The following RAB31 variants were observed in gnomAD, a reference collection of about 807,000 sequenced individuals.
RAB31 encodes ras-related protein Rab-31.
In RAB31, 21 loss-of-function variants were observed where a neutral mutation model predicts 25.6. That is an observed-to-expected ratio of 0.82 (90% confidence interval 0.58 to 1.18). The LOEUF (loss-of-function observed/expected upper bound fraction) is 1.18. Ranked by LOEUF, RAB31 falls within the 50% of genes most tolerant of loss-of-function variation. The pLI, the probability that RAB31 is intolerant of heterozygous loss-of-function variation, is 0.00. For synonymous variants in RAB31, 87 were observed against 84.0 expected, an observed-to-expected ratio of 1.04 and a Z score of -0.20; for missense variants, 196 against 250.1, an observed-to-expected ratio of 0.78 and a Z score of 1.46.
intron 5 of RAB31, among the ~76,000 whole-genome samples, chr18:9,822,298 A>G (rs2068628074): frequency 6.6e-6 from 1 of 152,206 alleles, no homozygotes; most frequent in African/African-American, 2.4e-5. Flanking sequence ...CTTATATAAA[A>G]TTAGTCTAAA....
chr18:9,815,087 C>A, intron 4 of RAB31, 29 bp from the exon 5 acceptor site: 1 of 1,435,246 alleles, frequency 7.0e-7, no homozygotes, highest in South Asian at 1.2e-5. Flanking sequence ...AGGGGTCTTT[C>A]TAATGATTTG....
At chr18:9,772,001 C>T (rs780065024) in intron 1 of RAB31, among the ~76,000 whole-genome samples, 1 of 152,172 alleles carries the variant, frequency 6.6e-6, no homozygotes, top group African/African-American at 2.4e-5. Context: ...GACAAGTTGG[C>T]GTTGACGCTT....
chr18:9,854,069 G>A (rs1048280135), intron 6 of RAB31, among the ~76,000 whole-genome samples: 13 of 149,898 alleles, frequency 8.7e-5, no homozygotes, highest in Middle Eastern at 3.2e-3. Context: ...GTATCAACAC[G>A]TCATCTAGGT....
chr18:9,835,644 A>G (rs374373358), intron 5 of RAB31, among the ~76,000 whole-genome samples: 18 of 152,332 alleles, frequency 1.2e-4, no homozygotes, highest in Admixed American at 9.1e-4. Flanking sequence ...ACGGTTGTCA[A>G]GTGCTTTAGC....
chr18:9,771,706 G>T (rs2068345966), intron 1 of RAB31, among the ~76,000 whole-genome samples: 1 of 152,200 alleles, frequency 6.6e-6, no homozygotes, highest in South Asian at 2.1e-4. Context: ...GCCCCTGGAG[G>T]TCGGGAACTG....
At chr18:9,769,502 G>A (rs1295013036) in intron 1 of RAB31, among the ~76,000 whole-genome samples, 3 of 152,172 alleles carry the variant, frequency 2.0e-5, no homozygotes, top group Non-Finnish European at 2.9e-5. Flanking sequence ...TATTATTGGT[G>A]TATAAAAATG....
chr18:9,711,202 T>C (rs2068015569), intron 1 of RAB31, among the ~76,000 whole-genome samples: 1 of 152,152 alleles, frequency 6.6e-6, no homozygotes, highest in African/African-American at 2.4e-5. Flanking sequence ...TTTTTTGTTT[T>C]GAGACAAGGT....
At chr18:9,754,361 C>A (rs1193516986) in intron 1 of RAB31, among the ~76,000 whole-genome samples, 1 of 152,102 alleles carries the variant, frequency 6.6e-6, no homozygotes, top group Admixed American at 6.5e-5. Flanking sequence ...CTCACTGCAA[C>A]CTCTGCTTCC....
intron 5 of RAB31, among the ~76,000 whole-genome samples, chr18:9,839,003 A>T (rs1194988217): frequency 1.3e-5 from 2 of 152,200 alleles, no homozygotes; most frequent in African/African-American, 2.4e-5. Context: ...CATTCAGCAG[A>T]TGCTTACTGA....
rs1459198467 is a variant in RAB31, at chr18:9,861,415, T to A, written c.*2090T>A. On this transcript the variant is annotated 3_prime_UTR_variant, in exon 7 of 7. Coordinates refer to ENST00000578921, the MANE Select transcript of RAB31 (RefSeq NM_006868.4). Reference sequence around the variant, plus strand: ...GTGTGAAACCACTCTGTTACCTTTCTGTATTGTCTTAGCTATTCAAGCCAG... The same window carrying A: ...GTGTGAAACCACTCTGTTACCTTTCAGTATTGTCTTAGCTATTCAAGCCAG... The A allele has an allele frequency of 1.3e-5, 2 of 152,236 alleles. No homozygotes were observed. The highest frequency in any genetic ancestry group is 2.9e-5 in the Non-Finnish European group (2 of 68,050). The allele number at this position is 152,236 out of a possible 1,614,324, so 9.4% of individuals were successfully genotyped here.
At chr18:9,801,425 C>T (rs767938782) in intron 3 of RAB31, among the ~76,000 whole-genome samples, 2 of 151,868 alleles carry the variant, frequency 1.3e-5, no homozygotes, top group Non-Finnish European at 2.9e-5. Flanking sequence ...GGGATTACAG[C>T]CAGCTGCCAC....
chr18:9,720,029 T>C (rs1443858034), intron 1 of RAB31, among the ~76,000 whole-genome samples: 1 of 151,808 alleles, frequency 6.6e-6, no homozygotes, highest in South Asian at 2.1e-4. Context: ...AGTGGCACAA[T>C]CTCGGCTCAC....
At chr18:9,769,681 T>TC (rs553728641) in intron 1 of RAB31, among the ~76,000 whole-genome samples, 71 of 152,360 alleles carry the variant, frequency 4.7e-4, no homozygotes, top group African/African-American at 1.7e-3. Context: ...ACCCTTTTTT[T>TC]CTTTCTCTTG....
intron 6 of RAB31, among the ~76,000 whole-genome samples, chr18:9,853,334 T>G (rs2068798562): frequency 6.6e-6 from 1 of 152,116 alleles, no homozygotes; most frequent in Non-Finnish European, 1.5e-5. Flanking sequence ...ATCCATATAA[T>G]GGAATATTAT....
chr18:9,714,436 G>A (rs1249892940), intron 1 of RAB31, among the ~76,000 whole-genome samples: 1 of 152,304 alleles, frequency 6.6e-6, no homozygotes, highest in East Asian at 1.9e-4. Flanking sequence ...AGCTCAGCTG[G>A]TAATGCTCAC....
intron 1 of RAB31, among the ~76,000 whole-genome samples, chr18:9,742,563 A>G (rs1317596032): frequency 6.6e-6 from 1 of 152,138 alleles, no homozygotes; most frequent in Non-Finnish European, 1.5e-5. Context: ...AGATGTTTCT[A>G]TTCATAAATG....
intron 6 of RAB31, among the ~76,000 whole-genome samples, chr18:9,851,645 A>C (rs192998377): frequency 3.9e-5 from 6 of 152,310 alleles, no homozygotes; most frequent in Non-Finnish European, 1.5e-5. Flanking sequence ...TTGTAACATT[A>C]TTCATGACAG....
intron 1 of RAB31, among the ~76,000 whole-genome samples, chr18:9,763,605 T>C (rs2068299865): frequency 8.2e-6 from 1 of 121,928 alleles, no homozygotes; most frequent in African/African-American, 2.9e-5. Context: ...AAAAATTATA[T>C]ATATATATAT....
chr18:9,716,767 C>T (rs941103410), intron 1 of RAB31, among the ~76,000 whole-genome samples: 19 of 152,008 alleles, frequency 1.2e-4, no homozygotes, highest in Admixed American at 8.5e-4. Flanking sequence ...TTATTTGAGA[C>T]GGAGTCTTGC....
Sources: gnomAD v4.1 joint callset for allele counts (sites outside exome capture counted in the v4.1 genomes callset) on GRCh38, gnomAD v4.1.1 for gene constraint, MANE v1.5 for transcripts, NCBI Gene and HGNC (gene_info 2026-07-23, HGNC 2026-07-21) for gene names.